NLGN1: variants seen among roughly 807,000 people sequenced by gnomAD.
NLGN1 encodes the protein neuroligin-1.
In NLGN1, 12 loss-of-function variants were observed where a neutral mutation model predicts 65.5. That is an observed-to-expected ratio of 0.18 (90% CI 0.12 to 0.30). The LOEUF is 0.30. NLGN1 is among the 10% of genes least tolerant of loss of function. The pLI, the probability that NLGN1 is intolerant of heterozygous loss-of-function variation, is 1.00. For missense variants in NLGN1, 750 were observed against 1,007.1 expected, an observed-to-expected ratio of 0.74 and a Z score of 3.46; for synonymous variants, 350 against 359.5, an observed-to-expected ratio of 0.97 and a Z score of 0.30.
chr3:173,895,975 G>A (rs767611975), intron 4 of NLGN1, among the ~76,000 whole-genome samples: 1 of 151,954 alleles, frequency 6.6e-6, no homozygotes, highest in Non-Finnish European at 1.5e-5. Flanking sequence ...CAGGCATGAG[G>A]CACCGCACCT....
intron 4 of NLGN1, among the ~76,000 whole-genome samples, chr3:174,088,757 AAAAT>A (rs71162375): frequency 0.18 from 25,614 of 141,130 alleles, 2,432 homozygotes; most frequent in African/African-American, 0.22. Context: ...CATCTCAATA[AAAAT>A]AAATAAATAA....
chr3:173,908,024 G>A (rs1184873159), intron 4 of NLGN1, among the ~76,000 whole-genome samples: 1 of 152,168 alleles, frequency 6.6e-6, no homozygotes, highest in Non-Finnish European at 1.5e-5. Flanking sequence ...CCAGCAGATT[G>A]CTTTATCTCT....
chr3:173,412,744 G>GT, intron 1 of NLGN1, among the ~76,000 whole-genome samples: 1 of 152,272 alleles, frequency 6.6e-6, no homozygotes, highest in Middle Eastern at 3.4e-3. Flanking sequence ...CGTATTCTTA[G>GT]TACTGCTCAG....
At chr3:173,976,752 T>C (rs1433558988) in intron 4 of NLGN1, among the ~76,000 whole-genome samples, 1 of 152,082 alleles carries the variant, frequency 6.6e-6, no homozygotes, top group Non-Finnish European at 1.5e-5. Context: ...TGACCTTTCA[T>C]GTTTCTTAGC....
At chr3:173,406,560 C>CAT (rs1236725725) in intron 1 of NLGN1, among the ~76,000 whole-genome samples, 4 of 146,692 alleles carry the variant, frequency 2.7e-5, no homozygotes, top group Admixed American at 1.4e-4. Flanking sequence ...AATATATATT[C>CAT]ATATATATTG....
At chr3:173,549,180 TAGATAACAAATCC>T (rs1426948017) in intron 2 of NLGN1, among the ~76,000 whole-genome samples, 2 of 151,898 alleles carry the variant, frequency 1.3e-5, no homozygotes, top group Non-Finnish European at 2.9e-5. Context: ...TTCACACAAC[TAGATAACAAATCC>T]AGATAAATTA....
intron 4 of NLGN1, among the ~76,000 whole-genome samples, chr3:174,113,527 T>G (rs1309612687): frequency 6.6e-6 from 1 of 152,106 alleles, no homozygotes; most frequent in Non-Finnish European, 1.5e-5. Context: ...AACTTTCTTA[T>G]CATTCTTGCA....
At chr3:173,937,172 G>C (rs569258997) in intron 4 of NLGN1, among the ~76,000 whole-genome samples, 32 of 152,138 alleles carry the variant, frequency 2.1e-4, no homozygotes, top group Non-Finnish European at 3.4e-4. Context: ...ACCAAAATTA[G>C]GATTCACTGG....
chr3:174,032,368 G>A (rs895767542), intron 4 of NLGN1, among the ~76,000 whole-genome samples: 10 of 152,106 alleles, frequency 6.6e-5, no homozygotes, highest in Non-Finnish European at 1.3e-4. Flanking sequence ...AAAATCTGGG[G>A]ATGGGCCCCA....
At chr3:174,134,573 G>T (rs1029750559) in intron 4 of NLGN1, among the ~76,000 whole-genome samples, 1 of 151,992 alleles carries the variant, frequency 6.6e-6, no homozygotes, top group Non-Finnish European at 1.5e-5. Context: ...TCTCATGGTG[G>T]GTGCCCAAAA....
chr3:174,275,259 AT>A, intron 4 of NLGN1, 55 bp from the exon 5 acceptor site: 1 of 1,270,236 alleles, frequency 7.9e-7, no homozygotes, highest in Non-Finnish European at 1.1e-6. Flanking sequence ...TTTAAATTTG[AT>A]GTCTATTTGA....
intron 4 of NLGN1, among the ~76,000 whole-genome samples, chr3:173,941,406 G>A (rs1304031886): frequency 6.6e-6 from 1 of 152,018 alleles, no homozygotes; most frequent in African/African-American, 2.4e-5. Context: ...GAGCTGATAT[G>A]CTTAATTAGA....
At chr3:174,233,892 A>G (rs1209073486) in intron 4 of NLGN1, among the ~76,000 whole-genome samples, 1 of 152,208 alleles carries the variant, frequency 6.6e-6, no homozygotes, top group Non-Finnish European at 1.5e-5. Flanking sequence ...AGTGATAAAA[A>G]TGCAGTATTT....
chr3:173,738,633 T>C (rs1444407361), intron 3 of NLGN1, among the ~76,000 whole-genome samples: 1 of 152,132 alleles, frequency 6.6e-6, no homozygotes, highest in Non-Finnish European at 1.5e-5. Flanking sequence ...CACACAATCA[T>C]GATTACTGTA....
intron 3 of NLGN1, among the ~76,000 whole-genome samples, chr3:173,740,228 A>G (rs1389436716): frequency 6.6e-6 from 1 of 152,102 alleles, no homozygotes; most frequent in Non-Finnish European, 1.5e-5. Flanking sequence ...TGAGCTAACC[A>G]ATGGAAATTA....
chr3:174,074,911 G>T (rs116538805), intron 4 of NLGN1, among the ~76,000 whole-genome samples: 1 of 152,152 alleles, frequency 6.6e-6, no homozygotes, highest in Non-Finnish European at 1.5e-5. Context: ...GGGTTCTACC[G>T]TGCACAATGT....
At chr3:173,954,904 T>C (rs1039247605) in intron 4 of NLGN1, among the ~76,000 whole-genome samples, 11 of 152,082 alleles carry the variant, frequency 7.2e-5, no homozygotes, top group African/African-American at 2.4e-4. Context: ...ACTTGCAAAA[T>C]GCATGAAATC....
chr3:174,218,681 G>A (rs925728208), intron 4 of NLGN1, among the ~76,000 whole-genome samples: 2 of 152,030 alleles, frequency 1.3e-5, no homozygotes, highest in Non-Finnish European at 2.9e-5. Context: ...ATTGCATCAG[G>A]ACAGCATGAT....
At chr3:174,141,805 A>G (rs948437319) in intron 4 of NLGN1, among the ~76,000 whole-genome samples, 1 of 152,208 alleles carries the variant, frequency 6.6e-6, no homozygotes, top group African/African-American at 2.4e-5. Flanking sequence ...GGTAATTGTA[A>G]GTTATGAGAA....
Sources: gnomAD v4.1 joint callset for allele counts (sites outside exome capture counted in the v4.1 genomes callset) on GRCh38, gnomAD v4.1.1 for gene constraint, MANE v1.5 for transcripts, NCBI Gene and HGNC (gene_info 2026-07-23, HGNC 2026-07-21) for gene names.